LRRN2: variants seen among roughly 807,000 people sequenced by gnomAD.
The protein encoded by LRRN2 is leucine rich repeat neuronal 2, also known as leucine-rich repeat neuronal protein 2.
In LRRN2, 10 loss-of-function variants were observed where a neutral mutation model predicts 35.7. The observed-to-expected ratio is 0.28, with a 90% CI of 0.17 to 0.47. The LOEUF (loss-of-function observed/expected upper bound fraction) is 0.47, where lower values mean the gene tolerates loss of function less well. LRRN2 is among the 20% of genes least tolerant of loss of function. The pLI is 0.99. For missense variants in LRRN2, 731 were observed against 940.3 expected (o/e 0.78, Z 2.91); for synonymous variants, 391 against 409.6 (o/e 0.95, Z 0.55).
At chr1:204,645,149 T>C (rs1277588723) in intron 1 of LRRN2, among the ~76,000 whole-genome samples, 1 of 152,228 alleles carries the variant, frequency 6.6e-6, no homozygotes, top group Non-Finnish European at 1.5e-5. Flanking sequence ...GGTCCAACTC[T>C]TGTGTGACTG....
intron 1 of LRRN2, chr1:204,622,062 C>A (rs746882627): frequency 1.1e-4 from 18 of 167,134 alleles, no homozygotes; most frequent in Non-Finnish European, 2.1e-4. Flanking sequence ...CAGCAAGATA[C>A]AAGAATCAAC....
chr1:204,665,514 T>C (rs1668559173), intron 1 of LRRN2, among the ~76,000 whole-genome samples: 1 of 152,200 alleles, frequency 6.6e-6, no homozygotes, highest in Admixed American at 6.5e-5. Flanking sequence ...TTACCCTTTT[T>C]ATCTGTCCCT....
chr1:204,653,583 G>A (rs985742189), intron 1 of LRRN2, among the ~76,000 whole-genome samples: 8 of 152,148 alleles, frequency 5.3e-5, no homozygotes, highest in East Asian at 1.9e-4. Context: ...AGATTGGCCC[G>A]GGTGCAGTGG....
intron 1 of LRRN2, among the ~76,000 whole-genome samples, chr1:204,655,194 G>A (rs531081793): frequency 2.0e-5 from 3 of 152,258 alleles, no homozygotes; most frequent in Admixed American, 1.3e-4. Flanking sequence ...TAAGTTCTCC[G>A]ACAGCGGAAC....
chr1:204,676,534 A>C (rs1182574341), intron 1 of LRRN2, among the ~76,000 whole-genome samples: 1 of 152,036 alleles, frequency 6.6e-6, no homozygotes, highest in Non-Finnish European at 1.5e-5. Flanking sequence ...CCCTCTGCCA[A>C]CTGCTTGGGA....
chr1:204,634,939 G>T (rs78339643), intron 1 of LRRN2, among the ~76,000 whole-genome samples: 5 of 152,118 alleles, frequency 3.3e-5, no homozygotes, highest in Non-Finnish European at 7.4e-5. Context: ...TTACAGAGAC[G>T]TACAGCTCAA....
intron 1 of LRRN2, among the ~76,000 whole-genome samples, chr1:204,636,167 A>G (rs1475063982): frequency 6.6e-6 from 1 of 152,164 alleles, no homozygotes; most frequent in Non-Finnish European, 1.5e-5. Flanking sequence ...TGGTCATCAT[A>G]GCTACCCTGA....
intron 1 of LRRN2, among the ~76,000 whole-genome samples, chr1:204,657,043 G>A (rs910721412): frequency 2.6e-4 from 39 of 152,246 alleles, no homozygotes; most frequent in Admixed American, 2.1e-3. Context: ...GGTGGCTCAC[G>A]TCTGTAATCC....
Position 204,617,921 on chromosome 1 carries a change from T to C in LRRN2, c.2072A>G (p.Asn691Ser), listed in dbSNP as rs1162789215. The C allele has an allele frequency of 2.5e-6, 4 of 1,614,012 alleles. No homozygotes were observed. The highest frequency in any genetic ancestry group is 2.5e-6 in the Non-Finnish European group (3 of 1,180,020). The change falls in exon 2 of 2, where the codon AAT becomes AGT. Residue 691 changes from asparagine to serine, a missense_variant. Asn to Ser is a conservative substitution (Grantham distance 46, BLOSUM62 1). This residue lies in a region of LRRN2 where 229 missense variants were observed against 258.4 expected (regional missense o/e 0.89). Coordinates refer to ENST00000367177, the MANE Select transcript of LRRN2 (RefSeq NM_201630.2). The stretch of plus-strand genomic sequence containing the variant: ...GGATCTGGGCAGCTTCCTCCCTGGA[T>C]TCCAGGGCAGGACGAGGGGAGCAGA... ...VVSAPLVLPW[N>S]PGRKLPRSSE...
intron 1 of LRRN2, among the ~76,000 whole-genome samples, chr1:204,652,981 C>T (rs1355520910): frequency 6.6e-6 from 1 of 152,102 alleles, no homozygotes; most frequent in East Asian, 1.9e-4. Context: ...GTGCAGCCTC[C>T]ACATCTAAGC....
Position 204,617,735 on chromosome 1 carries a change from G to C in LRRN2, c.*116C>G, listed in dbSNP as rs888661869. 3 of 1,183,086 alleles carry C rather than the reference G, an allele frequency of 2.5e-6. No homozygotes were observed. The highest frequency in any genetic ancestry group is 2.8e-5 in the South Asian group (2 of 72,212). 73.3% of individuals were successfully genotyped at this position (1,183,086 alleles called of 1,614,324 possible). ...CCCATCTGTCTTGGCCCAGCTGCCA[G>C]GCCTCAAGCACGTGGGTCCATGTCC... On this transcript the variant is annotated 3_prime_UTR_variant, in exon 2 of 2. Coordinates refer to ENST00000367177, the MANE Select transcript of LRRN2 (RefSeq NM_201630.2).
At chr1:204,676,139 C>CGTGTGTGTGTGTGTGTGTGT (rs56189865) in intron 1 of LRRN2, among the ~76,000 whole-genome samples, 10 of 148,870 alleles carry the variant, frequency 6.7e-5, no homozygotes, top group African/African-American at 2.5e-4. Flanking sequence ...TACATGGAGC[C>CGTGTGTGTGTGTGTGTGTGT]GTGTGTGTGT....
At chr1:204,671,932 T>C (rs949193541) in intron 1 of LRRN2, among the ~76,000 whole-genome samples, 2 of 152,134 alleles carry the variant, frequency 1.3e-5, no homozygotes, top group African/African-American at 4.8e-5. Context: ...GAAGGGACTG[T>C]TGGGTCTGGG....
intron 1 of LRRN2, among the ~76,000 whole-genome samples, chr1:204,656,511 A>G (rs1668360180): frequency 6.6e-6 from 1 of 152,150 alleles, no homozygotes; most frequent in African/African-American, 2.4e-5. Flanking sequence ...TTGTTTTGGT[A>G]GAGTACATCT....
rs56792483 is a variant in LRRN2, at chr1:204,657,970, C to CTTTT, written c.-227+27346_-227+27349dup. 1.9e-3 allele frequency among the ~76,000 whole-genome samples: 142 copies of CTTTT among 75,272 alleles called. 4 individuals carry two copies. Among genetic ancestry groups the CTTTT allele is most frequent in the African/African-American group, 2.4e-3 (42 of 17,618 alleles). The allele number at this position is 75,272 out of a possible 152,430, so 49.4% of individuals were successfully genotyped here. A position where few individuals can be genotyped will look rare whatever the true frequency, so the allele number is the denominator to read the frequency against. Reference sequence around the variant, plus strand: ...TTCTAGTAAGCCTTAGCCAATGGTTCTTTTTTTTTTTTTTTTTTTTTTTTT... The same window carrying CTTTT: ...TTCTAGTAAGCCTTAGCCAATGGTTCTTTTTTTTTTTTTTTTTTTTTTTTTTTTT... On this transcript the variant is annotated intron_variant, in intron 1 of 1. Coordinates refer to ENST00000367177, the MANE Select transcript of LRRN2 (RefSeq NM_201630.2).
chr1:204,644,809 A>T (rs1057211190), intron 1 of LRRN2, among the ~76,000 whole-genome samples: 42 of 152,204 alleles, frequency 2.8e-4, no homozygotes, highest in African/African-American at 9.2e-4. Context: ...AAAAGAATAA[A>T]CAACATGGTT....
chr1:204,676,139 C>CGTGTGTGTGT lies in LRRN2; in HGVS notation c.-227+9171_-227+9180dup, dbSNP rs56189865. Among the ~76,000 whole-genome samples the CGTGTGTGTGT allele has an allele frequency of 7.7e-3, 1,151 of 148,956 alleles. 19 individuals carry two copies. The highest frequency in any genetic ancestry group is 0.027 in the African/African-American group (1,092 of 40,394). On this transcript the variant is annotated intron_variant, in intron 1 of 1. Coordinates refer to ENST00000367177, the MANE Select transcript of LRRN2 (RefSeq NM_201630.2). Reference sequence around the variant, plus strand: ...ATTTCCATGCAAGGTTACATGGAGCCGTGTGTGTGTGTGTGTGTGTGTGTG... The same window carrying CGTGTGTGTGT: ...ATTTCCATGCAAGGTTACATGGAGCCGTGTGTGTGTGTGTGTGTGTGTGTGTGTGTGTGTG...
chr1:204,618,535 C>T lies in LRRN2; in HGVS notation c.1458G>A (p.Arg486=). ...VYPEGTLELR[R]VTAEEAGLYT... The stretch of plus-strand genomic sequence containing the variant: ...ATAGCCCTGCCTCTTCTGCTGTCAC[C>T]CTCCGCAGCTCCAGGGTCCCCTCGG... The change falls in exon 2 of 2, where the codon AGG becomes AGA. Residue 486 remains arginine, a synonymous_variant. Coordinates refer to ENST00000367177, the MANE Select transcript of LRRN2 (RefSeq NM_201630.2). 1.2e-6 allele frequency: 2 copies of T among 1,614,180 alleles called. No individual in the cohort carries two copies. The highest frequency in any genetic ancestry group is 1.7e-6 in the Non-Finnish European group (2 of 1,180,042).
At chr1:204,663,659 A>G (rs908251374) in intron 1 of LRRN2, among the ~76,000 whole-genome samples, 1 of 151,878 alleles carries the variant, frequency 6.6e-6, no homozygotes, top group Non-Finnish European at 1.5e-5. Context: ...ATCACAGCAC[A>G]CTCCAAGCAC....
Sources: allele counts gnomAD v4.1 joint callset (sites outside exome capture counted in the v4.1 genomes callset), GRCh38; gene constraint gnomAD v4.1.1; regional missense constraint gnomAD v4.1.1; transcripts MANE v1.5; gene names NCBI Gene and HGNC (gene_info 2026-07-23, HGNC 2026-07-21).